The following CFAP54 variants were observed in gnomAD, a reference collection of about 807,000 sequenced individuals.
CFAP54 encodes the protein cilia and flagella associated protein 54.
A neutral mutation model predicts 370.4 loss-of-function variants in CFAP54; 290 were observed. The observed-to-expected ratio is 0.78, with a 90% confidence interval of 0.71 to 0.86. CFAP54 has a LOEUF of 0.86. CFAP54 is among the 40% of genes least tolerant of loss of function. CFAP54 has a pLI of 0.00. For missense variants in CFAP54, 3,399 were observed against 3,528.7 expected, an observed-to-expected ratio of 0.96 and a Z score of 0.93; for synonymous variants, 1,206 against 1,236.5, an observed-to-expected ratio of 0.98 and a Z score of 0.52.
intron 9 of CFAP54, among the ~76,000 whole-genome samples, chr12:96,528,863 T>G (rs533896268): frequency 8.8e-4 from 134 of 152,314 alleles, no homozygotes; most frequent in Non-Finnish European, 1.4e-3. Flanking sequence ...ACTTGGAAGC[T>G]TAGATCATTG....
intron 63 of CFAP54, among the ~76,000 whole-genome samples, chr12:96,798,851 A>G (rs777496538): frequency 6.6e-6 from 1 of 152,202 alleles, no homozygotes; most frequent in Non-Finnish European, 1.5e-5. Flanking sequence ...TTTAATGTTT[A>G]TCAACAATAT....
At chr12:96,629,927 GC>G (rs1956587837) in intron 30 of CFAP54, among the ~76,000 whole-genome samples, 165 bp from the exon 31 acceptor site, 1 of 152,148 alleles carries the variant, frequency 6.6e-6, no homozygotes, top group African/African-American at 2.4e-5. Flanking sequence ...TGAGAGACCA[GC>G]TATTTCATGC....
chr12:96,766,513 T>G (rs1958403268), intron 60 of CFAP54, among the ~76,000 whole-genome samples: 1 of 152,164 alleles, frequency 6.6e-6, no homozygotes, highest in Non-Finnish European at 1.5e-5. Flanking sequence ...TGGTTCAGAA[T>G]GCCAGGAAAG....
chr12:96,745,597 G>A (rs1282158428), intron 55 of CFAP54, among the ~76,000 whole-genome samples: 3 of 151,846 alleles, frequency 2.0e-5, no homozygotes, highest in Non-Finnish European at 2.9e-5. Flanking sequence ...TGGGTAGATT[G>A]CAAAGATTTT....
intron 45 of CFAP54, among the ~76,000 whole-genome samples, chr12:96,696,422 C>G (rs912606609): frequency 6.6e-6 from 1 of 152,012 alleles, no homozygotes; most frequent in African/African-American, 2.4e-5. Flanking sequence ...ATGATCATAA[C>G]TCAACAAGAG....
At chr12:96,837,976 G>C (rs1959191742) in intron 66 of CFAP54, among the ~76,000 whole-genome samples, 2 of 152,182 alleles carry the variant, frequency 1.3e-5, no homozygotes, top group African/African-American at 4.8e-5. Flanking sequence ...ATACACTTCT[G>C]ATATCTTTTT....
chr12:96,633,527 C>G (rs1345547358), intron 32 of CFAP54, among the ~76,000 whole-genome samples: 1 of 152,110 alleles, frequency 6.6e-6, no homozygotes, highest in Non-Finnish European at 1.5e-5. Flanking sequence ...TTTGTATGAC[C>G]ACCACAGTAT....
intron 39 of CFAP54, among the ~76,000 whole-genome samples, chr12:96,667,845 T>C (rs1010176340): frequency 5.9e-5 from 9 of 152,174 alleles, no homozygotes; most frequent in Admixed American, 4.6e-4. Context: ...CTGTAGATTT[T>C]CCCAATGTTT....
chr12:96,680,811 C>T (rs550710579), intron 40 of CFAP54, among the ~76,000 whole-genome samples: 24 of 152,226 alleles, frequency 1.6e-4, no homozygotes, highest in Admixed American at 1.0e-3. Flanking sequence ...TGACTGGGCG[C>T]CGTGGCTCAC....
intron 62 of CFAP54, 87 bp downstream of exon 62, chr12:96,786,985 C>A: frequency 2.0e-6 from 2 of 995,350 alleles, no homozygotes; most frequent in Non-Finnish European, 2.9e-6. Flanking sequence ...AGCTTCCATG[C>A]TGGCACAGAT....
rs145729811 is a variant in CFAP54 at position 96,729,431 on chromosome 12, A to T, written c.6965+8866A>T. ...CGCTTCTGCCTTGCAGTTTGATCTC[A>T]GACTGCTGTGCTAGCAATCAGCAAG... On this transcript the variant is annotated intron_variant, in intron 50 of 67. Coordinates refer to ENST00000524981, the MANE Select transcript of CFAP54 (RefSeq NM_001306084.2). Among the ~76,000 whole-genome samples, 360 of 152,296 alleles carry T rather than the reference A, an allele frequency of 2.4e-3. 2 individuals are homozygous for T. Among genetic ancestry groups the T allele is most frequent in the East Asian group, 0.023 (118 of 5,176 alleles).
At position 96,658,249 on chromosome 12, in the gene CFAP54, A is replaced by G; in HGVS notation, c.5363A>G (p.Tyr1788Cys). 6.2e-7 allele frequency: 1 copy of G among 1,614,072 alleles called. No individual in the cohort carries two copies. The highest frequency in any genetic ancestry group is 1.1e-5 in the South Asian group (1 of 91,080). The change falls in exon 38 of 68, where the codon TAT becomes TGT. Residue 1788 changes from tyrosine (Y) to cysteine (C), a missense_variant. Around this residue, in one of 3 missense-constraint regions of CFAP54, gnomAD observed 2,796 missense variants for 2,869.7 expected, o/e 0.97. Transcript: ENST00000524981. ...GAACAAGTGACACCACTTCTGGTGT[A>G]TGCACAGCGCCAGCTTCTGCTGAGA... ...YTEQVTPLLVYAQRQLLLRIQ... is the reference protein window; with the variant it reads ...YTEQVTPLLVCAQRQLLLRIQ...
chr12:96,490,775 T>A (rs1954873705), intron 1 of CFAP54, among the ~76,000 whole-genome samples: 1 of 148,132 alleles, frequency 6.8e-6, no homozygotes, highest in Non-Finnish European at 1.5e-5. Context: ...ATACTGTATA[T>A]CAAGTGCTGT....
intron 34 of CFAP54, among the ~76,000 whole-genome samples, chr12:96,649,028 T>A (rs1199795926): frequency 1.3e-5 from 2 of 152,186 alleles, no homozygotes; most frequent in Non-Finnish European, 1.5e-5. Context: ...CAAATAAAAA[T>A]TTATTTCTAA....
At chr12:96,570,123 A>G (rs567002487) in intron 19 of CFAP54, among the ~76,000 whole-genome samples, 7 of 151,772 alleles carry the variant, frequency 4.6e-5, no homozygotes, top group Non-Finnish European at 7.4e-5. Flanking sequence ...CCACAGGCCC[A>G]TGCTACCATG....
Position 96,786,711 on chromosome 12 carries a change from A to C in CFAP54, c.8492A>C (p.Asp2831Ala). The change falls in exon 62 of 68, where the codon GAT (aspartate) becomes GCT (alanine). Residue 2831 changes from aspartate (D) to alanine (A), a missense_variant. This residue lies in a region of CFAP54 where 2,796 missense variants were observed against 2,869.7 expected (regional missense o/e 0.97). Transcript: ENST00000524981. ...CCAGTATCTGGAATTTCTTTGCCAG[A>C]TGATACACTTCTCACATCCCTTTAC... ...ATPVSGISLP[D>A]DTLLTSLYNS... 6.5e-7 allele frequency: 1 copy of C among 1,535,418 alleles called. No individual in the cohort carries two copies. The highest frequency in any genetic ancestry group is 8.7e-7 in the Non-Finnish European group (1 of 1,146,610).
intron 60 of CFAP54, among the ~76,000 whole-genome samples, chr12:96,775,607 A>G (rs1169198056): frequency 6.6e-6 from 1 of 152,202 alleles, no homozygotes; most frequent in Non-Finnish European, 1.5e-5. Context: ...CTAGAGTTTG[A>G]CAACACCTGG....
intron 39 of CFAP54, among the ~76,000 whole-genome samples, chr12:96,679,371 A>G (rs568735621): frequency 6.6e-6 from 1 of 152,072 alleles, no homozygotes; most frequent in Non-Finnish European, 1.5e-5. Flanking sequence ...GCATTTCATA[A>G]GAATCAAAAG....
At position 96,540,875 on chromosome 12, in the gene CFAP54, C is replaced by G. The variant is rs1332396888; in HGVS notation, c.1965C>G (p.His655Gln). The G allele has an allele frequency of 1.3e-6, 2 of 1,489,824 alleles. No homozygotes were observed. Among genetic ancestry groups the G allele is most frequent in the African/African-American group, 1.4e-5 (1 of 71,020 alleles). 92.3% of individuals were successfully genotyped at this position (1,489,824 alleles called of 1,614,324 possible). A position where few individuals can be genotyped will look rare whatever the true frequency, so the allele number is the denominator to read the frequency against. The change falls in exon 14 of 68, where the codon CAC becomes CAG. Residue 655 changes from histidine (H) to glutamine (Q), a missense_variant. By Grantham distance (24) the His-to-Gln change is conservative (BLOSUM62 0). This residue lies in a region of CFAP54 where 2,796 missense variants were observed against 2,869.7 expected (regional missense o/e 0.97). Transcript: ENST00000524981. ...TGTGGCAGATAAATGAAGTAATTCA[C>G]TGCTATAAAATGGAAGACATTGACA... ...YLLWQINEVI[H>Q]CYKMEDIDIV...
Sources: gnomAD v4.1 joint callset for allele counts (sites outside exome capture counted in the v4.1 genomes callset) on GRCh38, gnomAD v4.1.1 for gene constraint, gnomAD v4.1.1 regional missense constraint, MANE v1.5 for transcripts, NCBI Gene and HGNC (gene_info 2026-07-23, HGNC 2026-07-21) for gene names.